The following BDH1 variants were observed in gnomAD, a reference collection of about 807,000 sequenced individuals.
BDH1 encodes 3-hydroxybutyrate dehydrogenase 1, also known as D-beta-hydroxybutyrate dehydrogenase, mitochondrial.
BDH1 carries 30 observed loss-of-function variants against 33.1 expected under a neutral mutation model. The ratio of observed to expected loss-of-function variants is 0.91; its 90% CI spans 0.68 to 1.23. The LOEUF is 1.23. Ranked by LOEUF, BDH1 falls within the 50% of genes most tolerant of loss-of-function variation. The pLI, the probability that BDH1 is intolerant of heterozygous loss-of-function variation, is 0.00. For synonymous variants in BDH1, 190 were observed against 183.6 expected (o/e 1.03, Z -0.28); for missense variants, 443 against 464.4 (o/e 0.95, Z 0.42).
Position 197,511,745 on chromosome 3 carries a change from T to C in BDH1, c.*150A>G. 2.7e-6 allele frequency: 2 copies of C among 745,416 alleles called. No individual in the cohort carries two copies. The highest frequency in any genetic ancestry group is 4.2e-6 in the Non-Finnish European group (2 of 476,698). 46.2% of individuals were successfully genotyped at this position (745,416 alleles called of 1,614,324 possible). On this transcript the variant is annotated 3_prime_UTR_variant, in exon 8 of 8. Transcript: ENST00000392379. ...CCAAGTCACTCACTATGCAAAGAAGTCATTCCCTCTAGTTAGTGTTAAAAC... is the reference window on the plus strand; with the variant it reads ...CCAAGTCACTCACTATGCAAAGAAGCCATTCCCTCTAGTTAGTGTTAAAAC...
intron 2 of BDH1, among the ~76,000 whole-genome samples, chr3:197,548,602 G>A (rs1194133505): frequency 6.6e-6 from 1 of 152,012 alleles, no homozygotes; most frequent in Non-Finnish European, 1.5e-5. Flanking sequence ...TGTAATCCCA[G>A]CACTTTGGGA....
intron 5 of BDH1, among the ~76,000 whole-genome samples, chr3:197,524,410 T>C (rs1056055630): frequency 6.6e-6 from 1 of 152,160 alleles, no homozygotes; most frequent in Admixed American, 6.5e-5. Context: ...AGGCTGAGCC[T>C]TCTGAATGCT....
rs1712487646 is a variant in BDH1, at chr3:197,514,585, G to A, written c.410-169C>T. ...TCACTCAGGAACGACAGGAGGTAAA[G>A]AGGCCTAAAGTGCTGACTGCAGCCC... On this transcript the variant is annotated intron_variant, in intron 6 of 7. Transcript: ENST00000392379. This position sits in a 1 kb window ranked among gnomAD's most constrained non-coding sequence, Gnocchi z 4.2. Among the ~76,000 whole-genome samples the A allele has an allele frequency of 6.6e-6, 1 of 152,136 alleles. No individual in the cohort carries two copies. Among genetic ancestry groups the A allele is most frequent in the Non-Finnish European group, 1.5e-5 (1 of 68,022 alleles).
At chr3:197,564,534 C>G (rs951750541) in intron 1 of BDH1, among the ~76,000 whole-genome samples, 26 of 152,054 alleles carry the variant, frequency 1.7e-4, no homozygotes, top group African/African-American at 6.0e-4. Flanking sequence ...ACACTGACAG[C>G]AATTAAAATC....
At chr3:197,550,825 T>A (rs1305666089) in intron 2 of BDH1, among the ~76,000 whole-genome samples, 5 of 152,222 alleles carry the variant, frequency 3.3e-5, no homozygotes, top group African/African-American at 4.8e-5. Flanking sequence ...AGCCATGCTG[T>A]GCCTTTACAG....
chr3:197,528,804 C>T lies in BDH1; in HGVS notation c.267+3608G>A, dbSNP rs1714374364. The stretch of plus-strand genomic sequence containing the variant: ...AGGGTAAGTAAGAGGAAACTGAGGC[C>T]CAGGGAGGGGACATGTTTGTCCCCT... On this transcript the variant is annotated intron_variant, in intron 5 of 7. Coordinates refer to ENST00000392379, the MANE Select transcript of BDH1 (RefSeq NM_203314.3). The surrounding 1 kb of genome is among the most constrained non-coding windows in gnomAD (Gnocchi z 5.1). 1 of 152,218 alleles carries T rather than the reference C, an allele frequency of 6.6e-6. No individual in the cohort carries two copies. Among genetic ancestry groups the T allele is most frequent in the African/African-American group, 2.4e-5 (1 of 41,434 alleles). 9.4% of individuals were successfully genotyped at this position (152,218 alleles called of 1,614,324 possible).
chr3:197,515,029 G>A (rs996505438), intron 6 of BDH1, among the ~76,000 whole-genome samples: 22 of 152,182 alleles, frequency 1.4e-4, no homozygotes, highest in Admixed American at 6.5e-4. Context: ...CGATAGCCCC[G>A]TGCTCCTTCC....
At chr3:197,569,729 G>T (rs1293670967) in intron 1 of BDH1, among the ~76,000 whole-genome samples, 1 of 152,148 alleles carries the variant, frequency 6.6e-6, no homozygotes, top group Non-Finnish European at 1.5e-5. Flanking sequence ...TGCCATGATT[G>T]TGAGGCCTCC....
intron 2 of BDH1, among the ~76,000 whole-genome samples, chr3:197,551,009 A>T (rs999402629): frequency 2.0e-5 from 3 of 152,208 alleles, no homozygotes; most frequent in Admixed American, 2.0e-4. Context: ...TGTAATAATC[A>T]CCTGAGGGAA....
In BDH1 at chr3:197,533,558, G is replaced by C. The variant is rs1339706317; in HGVS notation, c.87C>G (p.Arg29=). ...AGGAAGTAGAACCAAGCAATAGTGG[G>C]CGTCTGCAAGAGAAAAGGAAGCCGT... is the stretch of plus-strand genomic sequence containing the variant. ...SACDRENGAR[R]PLLLGSTSFI... The change falls in exon 4 of 8, where the codon CGC becomes CGG. Residue 29 remains arginine, a synonymous_variant. Transcript: ENST00000392379. The C allele has an allele frequency of 1.2e-6, 2 of 1,614,242 alleles. No homozygotes were observed. Among genetic ancestry groups the C allele is most frequent in the Non-Finnish European group, 1.7e-6 (2 of 1,180,038 alleles).
At chr3:197,557,049 G>A (rs979404037), upstream of BDH1, among the ~76,000 whole-genome samples, 7 of 152,202 alleles carry the variant, frequency 4.6e-5, no homozygotes, top group Non-Finnish European at 7.3e-5. This position sits in a 1 kb window ranked among gnomAD's most constrained non-coding sequence, Gnocchi z 4.6. Context: ...CTTTGGAGAG[G>A]CTCATCAGAA....
chr3:197,524,488 G>A (rs535747146), intron 5 of BDH1, among the ~76,000 whole-genome samples: 4 of 152,338 alleles, frequency 2.6e-5, no homozygotes, highest in Admixed American at 6.5e-5. Context: ...GGGCACAGGA[G>A]GAAATGGTGA....
chr3:197,527,786 T>TCCCGCA (rs1366596519), intron 5 of BDH1, among the ~76,000 whole-genome samples: 1 of 151,598 alleles, frequency 6.6e-6, no homozygotes, highest in Non-Finnish European at 1.5e-5. Context: ...TGACACTCCC[T>TCCCGCA]CCTGCACCTC....
intron 3 of BDH1, among the ~76,000 whole-genome samples, chr3:197,544,212 C>T (rs993077190): frequency 1.3e-5 from 2 of 152,152 alleles, no homozygotes; most frequent in African/African-American, 2.4e-5. Flanking sequence ...TCCCCCTCCA[C>T]GCTGCCCATA....
Position 197,532,454 on chromosome 3 carries a change from C to T in BDH1, c.225G>A (p.Leu75=). Residue 75 remains leucine (L), a synonymous_variant, in exon 5 of 8, where the codon CTG becomes CTA. Coordinates refer to ENST00000392379, the MANE Select transcript of BDH1 (RefSeq NM_203314.3). The stretch of plus-strand genomic sequence containing the variant: ...CAAACACAAGGAAGCCTTTTGAATG[C>T]AGATGCTTGGCCAATGAGAACCCAA... ...SGFGFSLAKH[L]HSKGFLVFAG... 6.2e-7 allele frequency: 1 copy of T among 1,614,224 alleles called. No individual in the cohort carries two copies. Among genetic ancestry groups the T allele is most frequent in the Non-Finnish European group, 8.5e-7 (1 of 1,180,020 alleles).
At position 197,528,543 on chromosome 3, in the gene BDH1, C is replaced by T. The variant is rs968550573; in HGVS notation, c.267+3869G>A. The T allele has an allele frequency of 3.9e-5, 6 of 152,208 alleles. No individual in the cohort carries two copies. Among genetic ancestry groups the T allele is most frequent in the African/African-American group, 1.4e-4 (6 of 41,444 alleles). The allele number at this position is 152,208 out of a possible 1,614,324, so 9.4% of individuals were successfully genotyped here. ...TAACACTACAGAATCGGGCTAGAAG[C>T]AAATTCCCCCTTTCAACCCCCACGG... On this transcript the variant is annotated intron_variant, in intron 5 of 7. Transcript: ENST00000392379. The surrounding 1 kb of genome is among the most constrained non-coding windows in gnomAD (Gnocchi z 5.1).
At chr3:197,563,814 A>T (rs1372545029) in intron 1 of BDH1, among the ~76,000 whole-genome samples, 1 of 152,110 alleles carries the variant, frequency 6.6e-6, no homozygotes, top group East Asian at 1.9e-4. Flanking sequence ...ATGTAAAGAA[A>T]GTTATGGCTG....
At chr3:197,536,984 TATTTC>T (rs1475808557) in intron 3 of BDH1, among the ~76,000 whole-genome samples, 2 of 152,222 alleles carry the variant, frequency 1.3e-5, no homozygotes, top group Non-Finnish European at 2.9e-5. Context: ...TGTTTTATTT[TATTTC>T]ATTTTATTTT....
intron 2 of BDH1, among the ~76,000 whole-genome samples, chr3:197,553,771 A>G (rs1046699842): frequency 6.6e-6 from 1 of 152,204 alleles, no homozygotes; most frequent in Non-Finnish European, 1.5e-5. Context: ...AGCCTTGGTG[A>G]AAACCATGGA....
Sources: gnomAD v4.1 joint callset for allele counts (sites outside exome capture counted in the v4.1 genomes callset) on GRCh38, gnomAD v4.1.1 for gene constraint, Gnocchi (gnomAD v3.1) non-coding constraint, MANE v1.5 for transcripts, NCBI Gene and HGNC (gene_info 2026-07-23, HGNC 2026-07-21) for gene names.